LARS1: variants seen among roughly 807,000 people sequenced by gnomAD.
LARS1 encodes the protein leucyl-tRNA synthetase 1.
In LARS1, 100 loss-of-function variants were observed where a neutral mutation model predicts 162.8. That is an observed-to-expected ratio of 0.61 (90% CI 0.52 to 0.73). The LOEUF (loss-of-function observed/expected upper bound fraction) is 0.73. LARS1 is among the 30% of genes least tolerant of loss of function. The pLI is 0.00. For synonymous variants in LARS1, 457 were observed against 462.8 expected, an observed-to-expected ratio of 0.99 and a Z score of 0.16; for missense variants, 1,258 against 1,408.9, an observed-to-expected ratio of 0.89 and a Z score of 1.71.
intron 21 of LARS1, among the ~76,000 whole-genome samples, chr5:146,137,274 C>A (rs1752556351): frequency 6.6e-6 from 1 of 152,114 alleles, no homozygotes; most frequent in African/African-American, 2.4e-5. Flanking sequence ...TTGGTTACAG[C>A]AAAATTCACT....
intron 6 of LARS1, among the ~76,000 whole-genome samples, chr5:146,161,914 C>T (rs891239401): frequency 1.3e-5 from 2 of 152,092 alleles, no homozygotes; most frequent in African/African-American, 4.8e-5. Context: ...TTTGCTCATC[C>T]GTAAGAAGCG....
intron 10 of LARS1, among the ~76,000 whole-genome samples, chr5:146,156,626 C>G (rs992972913): frequency 6.6e-6 from 1 of 151,532 alleles, no homozygotes; most frequent in Non-Finnish European, 1.5e-5. Context: ...ACTCAGGAGG[C>G]AGAGGTGCAG....
chr5:146,170,264 C>T (rs1400337739), intron 4 of LARS1, among the ~76,000 whole-genome samples: 2 of 152,000 alleles, frequency 1.3e-5, no homozygotes, highest in Non-Finnish European at 2.9e-5. Context: ...GTCAGGAGTT[C>T]GAGACCAGCC....
chr5:146,131,211 T>C (rs1011348650), intron 23 of LARS1, 102 bp from the exon 24 acceptor site: 7 of 538,346 alleles, frequency 1.3e-5, no homozygotes, highest in Non-Finnish European at 2.3e-5. Flanking sequence ...CTTTTTAATA[T>C]ACAAATTTGA....
intron 15 of LARS1, 121 bp from the exon 16 acceptor site, chr5:146,144,830 T>A: frequency 1.2e-6 from 1 of 832,762 alleles, no homozygotes; most frequent in Non-Finnish European, 1.9e-6. Flanking sequence ...ACATTTTCAT[T>A]ATGTCTTGCC....
intron 30 of LARS1, 115 bp from the exon 31 acceptor site, chr5:146,120,618 T>C: frequency 9.5e-7 from 1 of 1,054,662 alleles, no homozygotes; most frequent in East Asian, 2.5e-5. Context: ...TATTTTAAAA[T>C]CATGACTAAG....
chr5:146,116,909 A>T (rs1392216469), intron 31 of LARS1, among the ~76,000 whole-genome samples: 1 of 152,074 alleles, frequency 6.6e-6, no homozygotes, highest in African/African-American at 2.4e-5. Flanking sequence ...ACTGAATTTA[A>T]CTCCTCTTCC....
chr5:146,174,703 C>T (rs1330900040), intron 2 of LARS1, among the ~76,000 whole-genome samples: 1 of 150,568 alleles, frequency 6.6e-6, no homozygotes, highest in Non-Finnish European at 1.5e-5. Context: ...AGTGATGTAA[C>T]CTTGAACTGG....
intron 27 of LARS1, among the ~76,000 whole-genome samples, chr5:146,127,850 T>A (rs1268621039): frequency 6.6e-6 from 1 of 152,128 alleles, no homozygotes; most frequent in Non-Finnish European, 1.5e-5. Flanking sequence ...TTCTTAGCAT[T>A]TCTTAATTAA....
chr5:146,162,335 TA>T (rs1753814536), intron 6 of LARS1, among the ~76,000 whole-genome samples: 2 of 152,220 alleles, frequency 1.3e-5, no homozygotes, highest in Middle Eastern at 3.2e-3. Flanking sequence ...TTTGCAGGCA[TA>T]AAAACATTCA....
intron 21 of LARS1, among the ~76,000 whole-genome samples, chr5:146,137,343 CT>C (rs34662124): frequency 0.23 from 33,788 of 150,006 alleles, 4,812 homozygotes; most frequent in Admixed American, 0.34. Flanking sequence ...TAATTTTGTA[CT>C]TTTTTTTTTA....
chr5:146,127,497 G>A (rs1437885594), intron 27 of LARS1, among the ~76,000 whole-genome samples: 2 of 151,920 alleles, frequency 1.3e-5, no homozygotes, highest in African/African-American at 4.8e-5. Flanking sequence ...CAATTATCTA[G>A]CAAATGAATA....
chr5:146,156,397 T>C (rs1456225283), intron 10 of LARS1, among the ~76,000 whole-genome samples: 4 of 152,182 alleles, frequency 2.6e-5, no homozygotes, highest in Non-Finnish European at 5.9e-5. Flanking sequence ...GAAATATTGA[T>C]AATACAGTAG....
intron 8 of LARS1, 57 bp from the exon 9 acceptor site, chr5:146,157,852 A>T: frequency 6.6e-7 from 1 of 1,516,242 alleles, no homozygotes; most frequent in Non-Finnish European, 9.1e-7. Flanking sequence ...CCTTAAACCT[A>T]CTAATCTATG....
At chr5:146,116,686 G>C (rs1239581201) in intron 31 of LARS1, among the ~76,000 whole-genome samples, 1 of 152,134 alleles carries the variant, frequency 6.6e-6, no homozygotes, top group Non-Finnish European at 1.5e-5. Context: ...AGAAATGAAG[G>C]CTTTCACTTC....
rs553025837 is a variant in LARS1, at chr5:146,175,839, A to AG, written c.125+1707_125+1708insC. Among the ~76,000 whole-genome samples, 854 of 151,878 alleles carry AG rather than the reference A, an allele frequency of 5.6e-3. 13 individuals are homozygous for AG. Among genetic ancestry groups the AG allele is most frequent in the African/African-American group, 0.02 (811 of 41,430 alleles). Reference sequence around the variant, plus strand: ...CAAGACTCCGTCTCAAAAAAAAAAAACAAAAACAAAAAAAATTAAAAGGTA... The same window carrying AG: ...CAAGACTCCGTCTCAAAAAAAAAAAAGCAAAAACAAAAAAAATTAAAAGGTA... On this transcript the variant is annotated intron_variant, in intron 2 of 31. Transcript: ENST00000394434.
intron 15 of LARS1, among the ~76,000 whole-genome samples, chr5:146,146,951 AT>A (rs1753037625): frequency 1.3e-5 from 2 of 152,016 alleles, no homozygotes; most frequent in African/African-American, 2.4e-5. Context: ...ACCTCAAGTG[AT>A]CCACCGGTCT....
intron 5 of LARS1, among the ~76,000 whole-genome samples, chr5:146,167,323 C>T (rs1055073589): frequency 1.3e-5 from 2 of 151,972 alleles, no homozygotes; most frequent in African/African-American, 4.8e-5. Flanking sequence ...GATTTAACAT[C>T]TATATACTAT....
Position 146,144,631 on chromosome 5 carries a change from C to G in LARS1, c.1582G>C (p.Asp528His). Residue 528 changes from aspartate to histidine, a missense_variant, in exon 16 of 32, where the codon GAC (aspartate) becomes CAC (histidine). Transcript: ENST00000394434. ...SSDECVVALC[D>H]QWYLDYGEEN... is the part of the protein sequence containing the mutation. ...TTGCTATAAGAGACTAACCACTGGT[C>G]ACACAGAGCCACAACACATTCATCT... 1 of 1,614,022 alleles carries G rather than the reference C, an allele frequency of 6.2e-7. No homozygotes were observed.
Sources: gnomAD v4.1 joint callset for allele counts (sites outside exome capture counted in the v4.1 genomes callset) on GRCh38, gnomAD v4.1.1 for gene constraint, MANE v1.5 for transcripts, NCBI Gene and HGNC (gene_info 2026-07-23, HGNC 2026-07-21) for gene names.